Variants in CDKL3 observed in about 807,000 individuals in gnomAD.
CDKL3 encodes cyclin dependent kinase like 3.
CDKL3 carries 65 observed loss-of-function variants against 69.3 expected under a neutral mutation model. The observed-to-expected ratio is 0.94, with a 90% CI of 0.77 to 1.15. The LOEUF (loss-of-function observed/expected upper bound fraction) is 1.15. Ranked by LOEUF, CDKL3 falls within the 50% of genes most tolerant of loss-of-function variation. CDKL3 has a pLI of 0.00. For synonymous variants in CDKL3, 202 were observed against 221.6 expected (o/e 0.91, Z 0.79); for missense variants, 652 against 689.2 (o/e 0.95, Z 0.61).
At chr5:134,292,856 A>G (rs1186219619) in intron 8 of CDKL3, among the ~76,000 whole-genome samples, 1 of 152,090 alleles carries the variant, frequency 6.6e-6, no homozygotes, top group Non-Finnish European at 1.5e-5. Context: ...GGATGAATCT[A>G]TTCCTTGAAA....
At chr5:134,322,717 C>G (rs1380434459) in intron 4 of CDKL3, among the ~76,000 whole-genome samples, 2 of 152,190 alleles carry the variant, frequency 1.3e-5, no homozygotes, top group Non-Finnish European at 2.9e-5. Flanking sequence ...CACTGTGGCT[C>G]ATGCCTGTAA....
chr5:134,302,228 G>A (rs1305471629), intron 12 of CDKL3: 1 of 457,912 alleles, frequency 2.2e-6, no homozygotes, highest in East Asian at 6.9e-5. Context: ...GAAAACGAAG[G>A]AAGGAAGAGG....
downstream of CDKL3, among the ~76,000 whole-genome samples, chr5:134,285,202 G>A (rs1402779052): frequency 1.3e-5 from 2 of 152,176 alleles, no homozygotes; most frequent in African/African-American, 4.8e-5. Flanking sequence ...CCACTAGGTG[G>A]TGCCCCAGTA....
At chr5:134,353,931 T>A (rs910935222) in intron 3 of CDKL3, among the ~76,000 whole-genome samples, 1 of 152,174 alleles carries the variant, frequency 6.6e-6, no homozygotes, top group Non-Finnish European at 1.5e-5. Context: ...AAATGGCTTA[T>A]AAGGCCTTGT....
chr5:134,341,399 C>G (rs1750454365), intron 4 of CDKL3, among the ~76,000 whole-genome samples: 1 of 152,154 alleles, frequency 6.6e-6, no homozygotes, highest in South Asian at 2.1e-4. Flanking sequence ...TATATCTATT[C>G]ACAGATGACA....
chr5:134,370,599 C>G (rs916004523), upstream of CDKL3, among the ~76,000 whole-genome samples: 9 of 152,196 alleles, frequency 5.9e-5, no homozygotes, highest in African/African-American at 1.7e-4. Context: ...TGACACATAT[C>G]TTCAATTGAA....
At chr5:134,296,149 G>A (rs979491629), downstream of CDKL3, among the ~76,000 whole-genome samples, 25 of 151,814 alleles carry the variant, frequency 1.6e-4, no homozygotes, top group Admixed American at 9.2e-4. Flanking sequence ...TGCCTGCCTC[G>A]GCCTCCCAAA....
intron 9 of CDKL3, 129 bp from the exon 10 acceptor site, chr5:134,306,831 T>C (rs1768012193): frequency 1.9e-6 from 1 of 535,688 alleles, no homozygotes; most frequent in South Asian, 2.1e-5. Context: ...CTTGGCTCAC[T>C]GCAACCTCTG....
At position 134,308,600 on chromosome 5, in the gene CDKL3, G is replaced by A; in HGVS notation, c.1009C>T (p.Leu337=). 6.2e-7 allele frequency: 1 copy of A among 1,600,042 alleles called. No individual in the cohort carries two copies. The highest frequency in any genetic ancestry group is 8.5e-7 in the Non-Finnish European group (1 of 1,176,414). ...DERKTVYTNT[L]LSSSVLGKEI... is the part of the protein sequence containing the mutation. ...TTTCCCAAAACTGAACTACTTAGCA[G>A]TGTATTGGTATAAACTGTTTTTCTT... The change falls in exon 8 of 13, where the codon CTG becomes TTG. Residue 337 remains leucine, a synonymous_variant. Coordinates refer to ENST00000265334, the MANE Select transcript of CDKL3 (RefSeq NM_001113575.2).
intron 5 of CDKL3, among the ~76,000 whole-genome samples, 168 bp downstream of exon 5, chr5:134,321,623 A>G (rs1424328153): frequency 2.0e-5 from 3 of 152,246 alleles, no homozygotes; most frequent in Non-Finnish European, 2.9e-5. Flanking sequence ...GCTAAAGCAG[A>G]GAATTTTCTG....
chr5:134,303,608 T>C (rs1393567914), intron 11 of CDKL3, among the ~76,000 whole-genome samples: 4 of 151,256 alleles, frequency 2.6e-5, no homozygotes, highest in South Asian at 2.1e-4. Context: ...CTTTGGGAGG[T>C]TGAGACAGGT....
At chr5:134,356,942 T>C (rs1284382813) in intron 3 of CDKL3, among the ~76,000 whole-genome samples, 1 of 152,172 alleles carries the variant, frequency 6.6e-6, no homozygotes, top group Non-Finnish European at 1.5e-5. Flanking sequence ...TCAGAAATTA[T>C]CCTATTGACT....
At chr5:134,362,297 A>G (rs1444112060) in intron 2 of CDKL3, among the ~76,000 whole-genome samples, 2 of 152,220 alleles carry the variant, frequency 1.3e-5, no homozygotes, top group Non-Finnish European at 2.9e-5. Context: ...AGGCAGGCGG[A>G]TCACCTGAGG....
At chr5:134,343,375 C>A (rs1751012123) in intron 4 of CDKL3, among the ~76,000 whole-genome samples, 1 of 152,194 alleles carries the variant, frequency 6.6e-6, no homozygotes, top group African/African-American at 2.4e-5. Flanking sequence ...TTCTAACCTC[C>A]AAGCTGTCCT....
At chr5:134,321,967 A>G in intron 4 of CDKL3, 64 bp from the exon 5 acceptor site, 1 of 862,178 alleles carries the variant, frequency 1.2e-6, no homozygotes, top group Non-Finnish European at 1.8e-6. Context: ...ATATTCTTAA[A>G]AATATGTTTA....
chr5:134,295,758 T>C (rs747918034), downstream of CDKL3, among the ~76,000 whole-genome samples: 1 of 152,212 alleles, frequency 6.6e-6, no homozygotes, highest in Non-Finnish European at 1.5e-5. Flanking sequence ...CCAATTTTAT[T>C]ATTTTTTGAA....
At chr5:134,354,941 G>A (rs866717375) in intron 3 of CDKL3, among the ~76,000 whole-genome samples, 3 of 144,578 alleles carry the variant, frequency 2.1e-5, no homozygotes, top group Admixed American at 7.0e-5. Context: ...GTGAGACTCC[G>A]TCTCAAAAAA....
At chr5:134,366,337 G>A in intron 2 of CDKL3, 22 bp downstream of exon 2, 1 of 1,519,462 alleles carries the variant, frequency 6.6e-7, no homozygotes, top group Non-Finnish European at 8.8e-7. Flanking sequence ...TGACTTAGAT[G>A]ATTAAGGCAA....
chr5:134,335,575 C>T (rs1776900369), intron 4 of CDKL3, among the ~76,000 whole-genome samples: 1 of 152,038 alleles, frequency 6.6e-6, no homozygotes, highest in Admixed American at 6.6e-5. Context: ...TTCTCCTTCA[C>T]TTAAAAGCTT....
Sources: gnomAD v4.1 joint callset for allele counts (sites outside exome capture counted in the v4.1 genomes callset) on GRCh38, gnomAD v4.1.1 for gene constraint, MANE v1.5 for transcripts, NCBI Gene and HGNC (gene_info 2026-07-23, HGNC 2026-07-21) for gene names.